The following AHI1 variants were observed in gnomAD, a reference collection of about 807,000 sequenced individuals.
AHI1 encodes Abelson helper integration site 1, also known as jouberin.
In AHI1, 123 loss-of-function variants were observed where a neutral mutation model predicts 149.3. That is an observed-to-expected ratio of 0.82 (90% CI 0.71 to 0.96). AHI1 has a LOEUF of 0.96. Ranked by LOEUF, AHI1 falls within the 40% of genes least tolerant of loss-of-function variation. The pLI is 0.00. For synonymous variants in AHI1, 475 were observed against 459.8 expected, an observed-to-expected ratio of 1.03 and a Z score of -0.42; for missense variants, 1,439 against 1,422.7, an observed-to-expected ratio of 1.01 and a Z score of -0.18.
At chr6:135,357,766 G>C (rs1264473854) in intron 24 of AHI1, among the ~76,000 whole-genome samples, 4 of 152,122 alleles carry the variant, frequency 2.6e-5, no homozygotes, top group Non-Finnish European at 4.4e-5. Flanking sequence ...AATGCCTTTT[G>C]TTGAGAAGAA....
rs1785663122 is a variant in AHI1, at chr6:135,314,561, G to A, written c.3426+3958C>T. ...AACATTTGCCCATAATCAAATTCCT[G>A]CCAATCCTCTTGACTGTATCCCTTA... is the stretch of plus-strand genomic sequence containing the variant. On this transcript the variant is annotated intron_variant, in intron 26 of 28. Transcript: ENST00000265602. 2.0e-5 allele frequency among the ~76,000 whole-genome samples: 3 copies of A among 152,268 alleles called. No individual in the cohort carries two copies. In the South Asian group the frequency reaches 6.2e-4, roughly 32 times the overall value.
chr6:135,376,176 A>T (rs1219600157), intron 23 of AHI1, among the ~76,000 whole-genome samples: 1 of 152,166 alleles, frequency 6.6e-6, no homozygotes, highest in Non-Finnish European at 1.5e-5. Flanking sequence ...AGAAAACACC[A>T]TTTTGTATCC....
At chr6:135,462,366 G>A (rs2128090910) in intron 8 of AHI1, among the ~76,000 whole-genome samples, 1 of 152,182 alleles carries the variant, frequency 6.6e-6, no homozygotes, top group African/African-American at 2.4e-5. Flanking sequence ...ACAAGGCAAA[G>A]AGAAAAGTTG....
chr6:135,380,740 C>A (rs1006644809), intron 23 of AHI1, among the ~76,000 whole-genome samples: 1 of 122,930 alleles, frequency 8.1e-6, no homozygotes, highest in African/African-American at 3.9e-5. Flanking sequence ...AACCCCCCCC[C>A]CCCCAAAAAA....
chr6:135,370,983 C>T (rs957123344), intron 23 of AHI1, among the ~76,000 whole-genome samples: 1 of 152,114 alleles, frequency 6.6e-6, no homozygotes, highest in African/African-American at 2.4e-5. Flanking sequence ...AAACCTCTCT[C>T]CAACCAAGAT....
chr6:135,370,751 A>G (rs1419390535), intron 23 of AHI1, among the ~76,000 whole-genome samples: 2 of 152,216 alleles, frequency 1.3e-5, no homozygotes, highest in Non-Finnish European at 2.9e-5. Flanking sequence ...TACAATGTAC[A>G]TATTAATTAG....
At chr6:135,392,441 T>A (rs745845904) in intron 23 of AHI1, among the ~76,000 whole-genome samples, 1 of 152,156 alleles carries the variant, frequency 6.6e-6, no homozygotes, top group African/African-American at 2.4e-5. Context: ...CTTACATATA[T>A]ATAAAATCAA....
chr6:135,423,905 C>G (rs1008167719), intron 20 of AHI1, among the ~76,000 whole-genome samples: 1 of 152,016 alleles, frequency 6.6e-6, no homozygotes, highest in Non-Finnish European at 1.5e-5. Flanking sequence ...GAGAACTTCT[C>G]AAATTAGACT....
intron 15 of AHI1, among the ~76,000 whole-genome samples, chr6:135,435,797 G>C (rs1010139940): frequency 2.0e-5 from 3 of 152,166 alleles, no homozygotes; most frequent in African/African-American, 7.2e-5. Context: ...GAGTAATAGG[G>C]CTTGAATTAA....
chr6:135,295,143 T>C (rs1212883702), intron 27 of AHI1, among the ~76,000 whole-genome samples: 1 of 152,224 alleles, frequency 6.6e-6, no homozygotes, highest in Non-Finnish European at 1.5e-5. Context: ...AGAAGATGTA[T>C]GCATAGAAGG....
intron 1 of AHI1, 64 bp downstream of exon 1, chr6:135,497,519 G>C (rs1232231032): frequency 6.5e-6 from 1 of 152,856 alleles, no homozygotes; most frequent in Non-Finnish European, 1.5e-5. Context: ...GCCCAGGAGA[G>C]GGCCGGGCAG....
At chr6:135,456,718 T>A (rs949973908) in intron 9 of AHI1, among the ~76,000 whole-genome samples, 17 of 152,180 alleles carry the variant, frequency 1.1e-4, no homozygotes, top group Admixed American at 6.5e-5. Flanking sequence ...AACAATTTTT[T>A]AAAAAATTCT....
intron 24 of AHI1, among the ~76,000 whole-genome samples, chr6:135,340,851 C>T (rs1038809766): frequency 6.6e-6 from 1 of 150,666 alleles, no homozygotes; most frequent in South Asian, 2.1e-4. Context: ...TATCTTGGAG[C>T]AAAGTTTTTA....
chr6:135,455,835 AT>A lies in AHI1; in HGVS notation c.1242del (p.Lys414AsnfsTer40), dbSNP rs1165489547. ...TGTTCTTCCCACTCTGGAAGTCTTG[AT>A]TTTAACTGTTTAAAATCATATGGCT... ...MTQPYDFKQLKSRLPEWEEQI... is the reference protein window; with the variant it reads ...MTQPYDFKQLXSRLPEWEEQI... On this transcript the variant is annotated frameshift_variant, in exon 10 of 29. Coordinates refer to ENST00000265602, the MANE Select transcript of AHI1 (RefSeq NM_001134831.2). LOFTEE classifies it high-confidence loss of function. 2 of 1,600,818 alleles carry A rather than the reference AT, an allele frequency of 1.2e-6. No individual in the cohort carries two copies. Among genetic ancestry groups the A allele is most frequent in the Non-Finnish European group, 1.7e-6 (2 of 1,172,424 alleles).
chr6:135,302,300 A>G, intron 26 of AHI1: 1 of 985,606 alleles, frequency 1.0e-6, no homozygotes, highest in Non-Finnish European at 1.2e-6. Context: ...ATTCTCATCA[A>G]TTTGAACCTA....
intron 26 of AHI1, chr6:135,302,627 T>G: frequency 1.8e-6 from 2 of 1,128,138 alleles, no homozygotes; most frequent in Non-Finnish European, 2.2e-6. Context: ...TAGAAGGGGG[T>G]CCACATTACA....
At chr6:135,488,718 T>G (rs548403484) in intron 5 of AHI1, among the ~76,000 whole-genome samples, 1 of 152,188 alleles carries the variant, frequency 6.6e-6, no homozygotes, top group Non-Finnish European at 1.5e-5. Flanking sequence ...TTTGACTTTT[T>G]TCCTCGCTTA....
chr6:135,301,867 A>G (rs7756167), intron 26 of AHI1: 105,295 of 985,342 alleles, frequency 0.11, 16,306 homozygotes, highest in African/African-American at 0.69. Flanking sequence ...ATCCAATAGA[A>G]CAATAAGCAA....
intron 3 of AHI1, chr6:135,493,100 G>A (rs762834480): frequency 2.9e-5 from 11 of 378,430 alleles, no homozygotes; most frequent in Non-Finnish European, 4.0e-5. Context: ...CCAGGTTCAA[G>A]CGATTCTCCT....
Sources: gnomAD v4.1 joint callset for allele counts (sites outside exome capture counted in the v4.1 genomes callset) on GRCh38, gnomAD v4.1.1 for gene constraint, MANE v1.5 for transcripts, NCBI Gene and HGNC (gene_info 2026-07-23, HGNC 2026-07-21) for gene names.